Variants in PHACTR2 observed in about 807,000 individuals in gnomAD.
PHACTR2 encodes phosphatase and actin regulator 2.
In PHACTR2, 30 loss-of-function variants were observed where a neutral mutation model predicts 76.0. The ratio of observed to expected loss-of-function variants is 0.39; its 90% CI spans 0.30 to 0.54. The LOEUF (loss-of-function observed/expected upper bound fraction) is 0.54, where lower values mean the gene tolerates loss of function less well. Ranked by LOEUF, PHACTR2 falls within the 20% of genes least tolerant of loss-of-function variation. PHACTR2 has a pLI of 0.61. For missense variants in PHACTR2, 696 were observed against 781.1 expected (o/e 0.89, Z 1.30); for synonymous variants, 292 against 292.5 (o/e 1.00, Z 0.02).
chr6:143,547,856 C>T lies in PHACTR2; in HGVS notation c.217+10649C>T, dbSNP rs965161527. Among the ~76,000 whole-genome samples the T allele has an allele frequency of 6.6e-6, 1 of 152,030 alleles. No individual in the cohort carries two copies. Among genetic ancestry groups the T allele is most frequent in the Non-Finnish European group, 1.5e-5 (1 of 68,014 alleles). On this transcript the variant is annotated intron_variant, in intron 1 of 11. Coordinates refer to the PHACTR2 transcript ENST00000367584. The surrounding 1 kb of genome is among the most constrained non-coding windows in gnomAD (Gnocchi z 4.2). ...GGGATTGATCTAACTCTCTCTTGCC[C>T]GCTGTATCTATGTATGTATGTATGT... is the stretch of plus-strand genomic sequence containing the variant.
rs1352930661 is a variant in PHACTR2, at chr6:143,820,804, C to G, written c.1923-2870C>G. On this transcript the variant is annotated intron_variant, in intron 12 of 12. Transcript: ENST00000440869. This position sits in a 1 kb window ranked among gnomAD's most constrained non-coding sequence, Gnocchi z 4.2. ...CTCCTCATTTCCCTTCCACACTGCCCTAGTAGAGGTTCTCTGTGGGGGCTG... is the reference window on the plus strand; with the variant it reads ...CTCCTCATTTCCCTTCCACACTGCCGTAGTAGAGGTTCTCTGTGGGGGCTG... 6.6e-6 allele frequency among the ~76,000 whole-genome samples: 1 copy of G among 152,244 alleles called. No homozygotes were observed. The highest frequency in any genetic ancestry group is 2.4e-5 in the African/African-American group (1 of 41,470).
At chr6:143,559,949 A>G (rs190396352) in intron 1 of PHACTR2, among the ~76,000 whole-genome samples, 135 of 152,006 alleles carry the variant, frequency 8.9e-4, no homozygotes, top group Admixed American at 8.7e-3. Context: ...AACCTCAGGT[A>G]ATCCACCTGC....
At chr6:143,768,025 A>G (rs1025559574) in intron 6 of PHACTR2, among the ~76,000 whole-genome samples, 2 of 151,726 alleles carry the variant, frequency 1.3e-5, no homozygotes, top group African/African-American at 4.8e-5. Context: ...TTTAGTAGAG[A>G]TGGGGTTTCA....
chr6:143,773,148 A>T (rs141407280), intron 7 of PHACTR2, among the ~76,000 whole-genome samples: 3 of 152,070 alleles, frequency 2.0e-5, no homozygotes, highest in Non-Finnish European at 4.4e-5. Context: ...AGGAGGCAGA[A>T]GTTGCACTGA....
chr6:143,544,257 G>C (rs1179606636), intron 1 of PHACTR2, among the ~76,000 whole-genome samples: 1 of 140,968 alleles, frequency 7.1e-6, no homozygotes, highest in Non-Finnish European at 1.5e-5. Flanking sequence ...GGAGTGGGAA[G>C]GAAGGAAGGC....
rs1775472210 is a variant in PHACTR2, at chr6:143,783,170, A to C, written c.1646-49A>C. The C allele has an allele frequency of 8.7e-7, 1 of 1,149,586 alleles. No homozygotes were observed. The highest frequency in any genetic ancestry group is 1.5e-5 in the African/African-American group (1 of 65,484). 71.2% of individuals were successfully genotyped at this position (1,149,586 alleles called of 1,614,324 possible). On this transcript the variant is annotated intron_variant, in intron 9 of 12. Transcript: ENST00000440869. This position sits in a 1 kb window ranked among gnomAD's most constrained non-coding sequence, Gnocchi z 5.2. ...GGCCTGATACACTTTTCTGAATATG[A>C]AATCATCTATAGTAACTGTCATCAC...
chr6:143,774,280 A>G lies in PHACTR2; in HGVS notation c.1589+65A>G, dbSNP rs1775223569. The stretch of plus-strand genomic sequence containing the variant: ...ATTTTTCTCCCTCCCAAAGCTTCCT[A>G]CCTAACTGGGGTCATTGTGAATTCC... On this transcript the variant is annotated intron_variant, in intron 8 of 12. Transcript: ENST00000440869. The surrounding 1 kb of genome is among the most constrained non-coding windows in gnomAD (Gnocchi z 5.4). 3.7e-5 allele frequency: 49 copies of G among 1,337,482 alleles called. No individual in the cohort carries two copies. The South Asian group carries it at 5.7e-4, about 16-fold the overall frequency. The allele number at this position is 1,337,482 out of a possible 1,614,324, so 82.9% of individuals were successfully genotyped here.
chr6:143,725,334 G>A (rs1397906933), intron 2 of PHACTR2, among the ~76,000 whole-genome samples: 2 of 150,096 alleles, frequency 1.3e-5, no homozygotes, highest in African/African-American at 2.5e-5. Flanking sequence ...CCGAGTAGCT[G>A]GGACTACAGG....
chr6:143,702,593 AG>A (rs1201550202), intron 1 of PHACTR2, among the ~76,000 whole-genome samples: 1 of 152,152 alleles, frequency 6.6e-6, no homozygotes, highest in African/African-American at 2.4e-5. Context: ...TTGGGAAGCC[AG>A]ATAGCCTTCC....
chr6:143,790,358 GTAACTGA>G (rs1775653930), intron 11 of PHACTR2, among the ~76,000 whole-genome samples: 1 of 152,156 alleles, frequency 6.6e-6, no homozygotes, highest in South Asian at 2.1e-4. Context: ...GGAAAAGTCA[GTAACTGA>G]TAGCGTGGGA....
At chr6:143,675,991 G>A (rs1173673869), upstream of PHACTR2, among the ~76,000 whole-genome samples, 1 of 152,164 alleles carries the variant, frequency 6.6e-6, no homozygotes, top group Non-Finnish European at 1.5e-5. The surrounding 1 kb of genome is among the most constrained non-coding windows in gnomAD (Gnocchi z 4.9). Flanking sequence ...TAACTTGTTA[G>A]CTGTGATAAA....
At position 143,697,519 on chromosome 6, in the gene PHACTR2, A is replaced by G. The variant is rs59100140; in HGVS notation, c.47-14497A>G. ...TTTGTCTTTGATGAATTGTCTTTCAATTACCTTGTAAAGAGCAATTAAGTG... is the reference window on the plus strand; with the variant it reads ...TTTGTCTTTGATGAATTGTCTTTCAGTTACCTTGTAAAGAGCAATTAAGTG... On this transcript the variant is annotated intron_variant, in intron 1 of 12. Transcript: ENST00000440869. The surrounding 1 kb of genome is among the most constrained non-coding windows in gnomAD (Gnocchi z 4.4). Among the ~76,000 whole-genome samples the G allele has an allele frequency of 1.1e-3, 161 of 152,318 alleles. No homozygotes were observed. The highest frequency in any genetic ancestry group is 3.8e-3 in the African/African-American group (156 of 41,588).
intron 7 of PHACTR2, among the ~76,000 whole-genome samples, chr6:143,773,199 C>T (rs1041342792): frequency 6.6e-6 from 1 of 151,708 alleles, no homozygotes; most frequent in African/African-American, 2.4e-5. Flanking sequence ...GGAGACAGAG[C>T]GAGACTCCAT....
chr6:143,694,880 G>A (rs1200628608), intron 1 of PHACTR2, among the ~76,000 whole-genome samples: 1 of 152,168 alleles, frequency 6.6e-6, no homozygotes, highest in Non-Finnish European at 1.5e-5. Flanking sequence ...AATCTCACAG[G>A]AAACTTTTAA....
At position 143,570,921 on chromosome 6, in the gene PHACTR2, A is replaced by T. The variant is rs922972861; in HGVS notation, c.217+33714A>T. Reference sequence around the variant, plus strand: ...CTAAGGGATGGCTCTGCAAGTGGTGATCGATGTTTATCAAATGCCCCTGAG... The same window carrying T: ...CTAAGGGATGGCTCTGCAAGTGGTGTTCGATGTTTATCAAATGCCCCTGAG... On this transcript the variant is annotated intron_variant, in intron 1 of 11. Coordinates refer to the PHACTR2 transcript ENST00000367584. The surrounding 1 kb of genome is among the most constrained non-coding windows in gnomAD (Gnocchi z 4.6). 1.3e-5 allele frequency among the ~76,000 whole-genome samples: 2 copies of T among 152,110 alleles called. No homozygotes were observed. The highest frequency in any genetic ancestry group is 3.9e-4 in the East Asian group (2 of 5,194).
chr6:143,696,143 G>A lies in PHACTR2; in HGVS notation c.47-15873G>A, dbSNP rs1777764406. Among the ~76,000 whole-genome samples the A allele has an allele frequency of 2.0e-5, 3 of 152,172 alleles. No individual in the cohort carries two copies. Among genetic ancestry groups the A allele is most frequent in the African/African-American group, 7.2e-5 (3 of 41,440 alleles). On this transcript the variant is annotated intron_variant, in intron 1 of 12. Transcript: ENST00000440869. The surrounding 1 kb of genome is among the most constrained non-coding windows in gnomAD (Gnocchi z 4.1). The stretch of plus-strand genomic sequence containing the variant: ...AACTCTTAGCTCCTCTCTCATTCTT[G>A]TATATGATGTCAACCTTCTTGCTTA...
In PHACTR2 at chr6:143,730,991, G is replaced by A. The variant is rs1205445737; in HGVS notation, c.215-17994G>A. The stretch of plus-strand genomic sequence containing the variant: ...TCTGGAATTCCTGACAACATGATCC[G>A]CCTGCCTCAGCCTTCAAAAGTGCTG... On this transcript the variant is annotated intron_variant, in intron 2 of 12. Transcript: ENST00000440869. This position sits in a 1 kb window ranked among gnomAD's most constrained non-coding sequence, Gnocchi z 4.8. Among the ~76,000 whole-genome samples the A allele has an allele frequency of 2.6e-5, 4 of 152,036 alleles. No individual in the cohort carries two copies. Among genetic ancestry groups the A allele is most frequent in the Non-Finnish European group, 4.4e-5 (3 of 68,022 alleles).
In PHACTR2 at chr6:143,621,892, C is replaced by T. The variant is rs77011231; in HGVS notation, c.13+13570C>T. Among the ~76,000 whole-genome samples the T allele has an allele frequency of 0.015, 2,353 of 152,364 alleles. 71 individuals carry two copies. Among genetic ancestry groups the T allele is most frequent in the African/African-American group, 0.053 (2,222 of 41,568 alleles). ...TGGCTCCCTGAGTTCCTGCCTTGCT[C>T]ACCTCTCACATTTTGCTGTTGTGCA... On this transcript the variant is annotated intron_variant, in intron 1 of 11. Transcript: ENST00000305766. The surrounding 1 kb of genome is among the most constrained non-coding windows in gnomAD (Gnocchi z 4.1).
intron 1 of PHACTR2, among the ~76,000 whole-genome samples, chr6:143,685,469 A>G (rs1582769571): frequency 6.6e-6 from 1 of 152,300 alleles, no homozygotes; most frequent in African/African-American, 2.4e-5. Flanking sequence ...AATGGTTACA[A>G]TTGTGAACTC....
Sources: gnomAD v4.1 joint callset for allele counts (sites outside exome capture counted in the v4.1 genomes callset) on GRCh38, gnomAD v4.1.1 for gene constraint, Gnocchi (gnomAD v3.1) non-coding constraint, MANE v1.5 for transcripts, NCBI Gene and HGNC (gene_info 2026-07-23, HGNC 2026-07-21) for gene names.